Variants in LMO7 observed in about 807,000 individuals in gnomAD.
The protein encoded by LMO7 is LIM domain 7, also known as LIM domain only protein 7.
LMO7 carries 120 observed loss-of-function variants against 206.5 expected under a neutral mutation model. The observed-to-expected ratio is 0.58, with a 90% CI of 0.50 to 0.68. The LOEUF (loss-of-function observed/expected upper bound fraction) is 0.68, where lower values mean the gene tolerates loss of function less well. Ranked by LOEUF, LMO7 falls within the 30% of genes least tolerant of loss-of-function variation. The probability of loss-of-function intolerance (pLI) is 0.00; values close to 1 mark genes in which losing one functional copy is unlikely to be tolerated. For synonymous variants in LMO7, 706 were observed against 681.5 expected, an observed-to-expected ratio of 1.04 and a Z score of -0.56; for missense variants, 1,959 against 1,957.9, an observed-to-expected ratio of 1.00 and a Z score of -0.01.
chr13:75,846,953 C>G (rs986295628), intron 26 of LMO7, among the ~76,000 whole-genome samples: 7 of 151,260 alleles, frequency 4.6e-5, no homozygotes, highest in African/African-American at 1.5e-4. Flanking sequence ...ATTGCTTGAA[C>G]CCGGGAGGCA....
intron 12 of LMO7, among the ~76,000 whole-genome samples, chr13:75,818,168 A>G (rs952118160): frequency 4.6e-5 from 7 of 152,202 alleles, no homozygotes; most frequent in Non-Finnish European, 7.3e-5. Flanking sequence ...CACTTTGCCA[A>G]AATACATGGT....
intron 1 of LMO7, among the ~76,000 whole-genome samples, chr13:75,707,441 A>G (rs1433935074): frequency 6.6e-6 from 1 of 152,108 alleles, no homozygotes; most frequent in African/African-American, 2.4e-5. Context: ...TTATGGCTAT[A>G]TCATAATATA....
intron 11 of LMO7, among the ~76,000 whole-genome samples, chr13:75,814,756 T>A (rs1374098924): frequency 6.6e-6 from 1 of 152,130 alleles, no homozygotes; most frequent in African/African-American, 2.4e-5. Flanking sequence ...GCATTTATTA[T>A]TTCTGGTAAG....
chr13:75,817,255 G>C lies in LMO7; in HGVS notation c.2041G>C (p.Glu681Gln). 1 of 1,611,686 alleles carries C rather than the reference G, an allele frequency of 6.2e-7. No homozygotes were observed. Among genetic ancestry groups the C allele is most frequent in the Non-Finnish European group, 8.5e-7 (1 of 1,178,266 alleles). Residue 681 changes from glutamate (E) to glutamine (Q), a missense_variant, in exon 12 of 31, where the codon GAA becomes CAA. Glu to Gln is a conservative substitution (Grantham distance 29). Transcript: ENST00000377534. ...EMQKIKSQLK[E>Q]QDQKWQDDLA... ...GCAGAAAATAAAATCACAATTAAAA[G>C]AACAAGATCAGAAATGGCAGGATGT...
intron 1 of LMO7, among the ~76,000 whole-genome samples, chr13:75,707,883 T>C (rs572913716): frequency 4.6e-5 from 7 of 151,466 alleles, no homozygotes; most frequent in Non-Finnish European, 1.0e-4. Context: ...CCCCCTCATA[T>C]ATCTACACAT....
chr13:75,854,133 G>A (rs556298668), intron 28 of LMO7, among the ~76,000 whole-genome samples: 4 of 152,194 alleles, frequency 2.6e-5, no homozygotes, highest in Admixed American at 2.6e-4. Flanking sequence ...CATGCCTCAT[G>A]TAAGTATATG....
Position 75,809,177 on chromosome 13 carries a change from A to G in LMO7, c.1940A>G (p.Glu647Gly). 1 of 1,612,372 alleles carries G rather than the reference A, an allele frequency of 6.2e-7. No individual in the cohort carries two copies. Among genetic ancestry groups the G allele is most frequent in the East Asian group, 2.2e-5 (1 of 44,802 alleles). The change falls in exon 11 of 31, where the codon GAG (glutamate) becomes GGG (glycine). Residue 647 changes from glutamate (E) to glycine (G), a missense_variant. Physicochemically the swap from Glu to Gly is moderately conservative, Grantham distance 98. Coordinates refer to ENST00000377534, the MANE Select transcript of LMO7 (RefSeq NM_001306080.2). Reference protein sequence around the residue: ...VERLFQKIYGENGSKSMSDVS... With the variant: ...VERLFQKIYGGNGSKSMSDVS... The stretch of plus-strand genomic sequence containing the variant: ...AGACTCTTTCAAAAGATTTATGGTG[A>G]GAATGGGTAAGTTGTGTGGTTCACA...
chr13:75,806,250 G>C (rs1048140153), intron 9 of LMO7: 84 of 990,020 alleles, frequency 8.5e-5, no homozygotes, highest in Non-Finnish European at 9.7e-5. Flanking sequence ...GTAGTGCTTC[G>C]GATGAGCCCA....
At chr13:75,709,070 A>C (rs919719004) in intron 1 of LMO7, among the ~76,000 whole-genome samples, 32 of 151,974 alleles carry the variant, frequency 2.1e-4, no homozygotes, top group Admixed American at 1.0e-3. Flanking sequence ...TCCTTGCGAT[A>C]GTTTGCTGAG....
intron 1 of LMO7, among the ~76,000 whole-genome samples, chr13:75,645,713 A>G (rs1418961496): frequency 6.6e-6 from 1 of 152,228 alleles, no homozygotes; most frequent in Non-Finnish European, 1.5e-5. Flanking sequence ...GTCTATCAAA[A>G]GCATCAGATA....
chr13:75,831,030 T>C (rs1353922476), intron 15 of LMO7, among the ~76,000 whole-genome samples: 1 of 152,138 alleles, frequency 6.6e-6, no homozygotes, highest in African/African-American at 2.4e-5. Flanking sequence ...AGATGACCAC[T>C]TATTTTCACT....
chr13:75,800,337 T>TA (rs1423414513), intron 6 of LMO7, among the ~76,000 whole-genome samples: 1 of 152,242 alleles, frequency 6.6e-6, no homozygotes, highest in African/African-American at 2.4e-5. Flanking sequence ...AGAACTGTAA[T>TA]AACTGAGTTT....
chr13:75,773,875 A>G (rs61958154), intron 4 of LMO7, among the ~76,000 whole-genome samples: 16,611 of 152,118 alleles, frequency 0.11, 1,332 homozygotes, highest in Admixed American at 0.24. Flanking sequence ...TGAAGGTGGA[A>G]AGAGAAGTAT....
intron 17 of LMO7, among the ~76,000 whole-genome samples, chr13:75,834,752 AAGAG>A (rs995539912): frequency 6.6e-6 from 1 of 152,182 alleles, no homozygotes; most frequent in Non-Finnish European, 1.5e-5. Context: ...ATATTGGTAT[AAGAG>A]AGAGAGCTTG....
At chr13:75,790,314 A>AT (rs912945188) in intron 4 of LMO7, among the ~76,000 whole-genome samples, 50 of 152,260 alleles carry the variant, frequency 3.3e-4, no homozygotes, top group African/African-American at 9.9e-4. Flanking sequence ...TTGATTAAGC[A>AT]TTTTTTAAAT....
chr13:75,769,907 G>A (rs571514470), intron 4 of LMO7, among the ~76,000 whole-genome samples: 5 of 152,126 alleles, frequency 3.3e-5, no homozygotes, highest in East Asian at 3.9e-4. Context: ...GGAGAAAATC[G>A]TCGAAGGAAT....
intron 3 of LMO7, among the ~76,000 whole-genome samples, chr13:75,746,809 G>A (rs191182816): frequency 6.6e-6 from 1 of 151,894 alleles, no homozygotes; most frequent in African/African-American, 2.4e-5. Context: ...CCTCAGTATT[G>A]TCAAGATGGG....
At chr13:75,711,973 C>G (rs919214502) in intron 1 of LMO7, among the ~76,000 whole-genome samples, 1 of 152,206 alleles carries the variant, frequency 6.6e-6, no homozygotes, top group African/African-American at 2.4e-5. Context: ...CATGTTGCCT[C>G]CTGGCCCAGG....
In LMO7 at chr13:75,849,312, T is replaced by C. The variant is rs759066850; in HGVS notation, c.4364+20T>C. The C allele has an allele frequency of 3.8e-5, 60 of 1,581,876 alleles. No homozygotes were observed. In the Middle Eastern group the frequency reaches 5.0e-4, roughly 13 times the overall value. On this transcript the variant is annotated intron_variant, in intron 27 of 30. Transcript: ENST00000377534. ...GAGAAGGTGCGAGACATCTTAGGAA[T>C]TGGTTTCTTGTCTTTACTGTGAGGC... is the stretch of plus-strand genomic sequence containing the variant.
Sources: gnomAD v4.1 joint callset for allele counts (sites outside exome capture counted in the v4.1 genomes callset) on GRCh38, gnomAD v4.1.1 for gene constraint, MANE v1.5 for transcripts, NCBI Gene and HGNC (gene_info 2026-07-23, HGNC 2026-07-21) for gene names.